The following EYS variants were observed in gnomAD, a reference collection of about 807,000 sequenced individuals.
The protein encoded by EYS is EGF-like photoreceptor maintenance factor.
Under a neutral mutation model 282.1 loss-of-function variants are expected in EYS, and 250 were observed. The ratio of observed to expected loss-of-function variants is 0.89; its 90% CI spans 0.80 to 0.98. EYS has a LOEUF of 0.98. Ranked by LOEUF, EYS falls within the 50% of genes least tolerant of loss-of-function variation. The pLI is 0.00. For synonymous variants in EYS, 1,355 were observed against 1,282.9 expected (o/e 1.06, Z -1.20); for missense variants, 4,016 against 3,709.0 (o/e 1.08, Z -2.15).
intron 33 of EYS, 54 bp downstream of exon 33, chr6:64,066,284 A>C: frequency 6.7e-7 from 1 of 1,487,778 alleles, no homozygotes; most frequent in South Asian, 1.3e-5. Flanking sequence ...TCTCAAAACA[A>C]ACGAACAAAC....
intron 2 of EYS, among the ~76,000 whole-genome samples, chr6:65,545,587 C>T (rs1253429228): frequency 6.6e-6 from 1 of 152,058 alleles, no homozygotes; most frequent in Non-Finnish European, 1.5e-5. Flanking sequence ...AGAATTACAA[C>T]TTGCTGTTTT....
chr6:65,019,566 G>T (rs1412751708), intron 13 of EYS, among the ~76,000 whole-genome samples: 2 of 152,092 alleles, frequency 1.3e-5, no homozygotes, highest in African/African-American at 4.8e-5. Flanking sequence ...CAAAATAAAT[G>T]ACATAAGGTA....
intron 7 of EYS, among the ~76,000 whole-genome samples, chr6:65,399,034 C>T (rs34568300): frequency 0.012 from 1,883 of 152,168 alleles, 20 homozygotes; most frequent in Non-Finnish European, 0.022. Flanking sequence ...TTACCACCAT[C>T]GCGAGTCATC....
chr6:64,918,967 C>T (rs1035307825), intron 15 of EYS, among the ~76,000 whole-genome samples: 4 of 152,026 alleles, frequency 2.6e-5, no homozygotes, highest in East Asian at 1.9e-4. Context: ...TAAATTTGGC[C>T]TTCTCTGCTG....
chr6:63,993,425 C>T (rs2149798020), intron 34 of EYS, among the ~76,000 whole-genome samples: 1 of 151,890 alleles, frequency 6.6e-6, no homozygotes, highest in South Asian at 2.1e-4. Flanking sequence ...TTAATGATAT[C>T]TCTGACATAC....
At chr6:64,730,039 A>T (rs1231759751) in intron 22 of EYS, among the ~76,000 whole-genome samples, 1 of 152,214 alleles carries the variant, frequency 6.6e-6, no homozygotes, top group Non-Finnish European at 1.5e-5. Context: ...AGGAAGGAAA[A>T]ACTAAGAGTG....
At chr6:64,658,315 C>A (rs577718933) in intron 22 of EYS, among the ~76,000 whole-genome samples, 1 of 86,444 alleles carries the variant, frequency 1.2e-5, no homozygotes, top group Non-Finnish European at 2.4e-5. Flanking sequence ...TCCTTTAGCT[C>A]GGAAGTTTGA....
chr6:64,108,800 T>C (rs1773114669), intron 31 of EYS, among the ~76,000 whole-genome samples: 1 of 152,066 alleles, frequency 6.6e-6, no homozygotes, highest in Non-Finnish European at 1.5e-5. Flanking sequence ...GACCCCATCA[T>C]CCCCATAATA....
At chr6:65,008,542 A>T (rs1771763691) in intron 13 of EYS, among the ~76,000 whole-genome samples, 2 of 152,162 alleles carry the variant, frequency 1.3e-5, no homozygotes, top group Admixed American at 6.5e-5. Flanking sequence ...AAAGCTGGGA[A>T]AATTGAATGC....
chr6:64,941,152 G>A (rs916529729), intron 15 of EYS, among the ~76,000 whole-genome samples: 2 of 151,872 alleles, frequency 1.3e-5, no homozygotes, highest in Non-Finnish European at 2.9e-5. Flanking sequence ...AGGCTGAGGC[G>A]GGCAGGTCAC....
intron 26 of EYS, among the ~76,000 whole-genome samples, chr6:64,548,780 T>C (rs1447797657): frequency 6.6e-6 from 1 of 152,092 alleles, no homozygotes; most frequent in Non-Finnish European, 1.5e-5. Flanking sequence ...TATACATATG[T>C]AACAAACCTG....
chr6:64,013,294 A>G (rs1001845848), intron 33 of EYS, among the ~76,000 whole-genome samples: 69 of 152,308 alleles, frequency 4.5e-4, no homozygotes, highest in African/African-American at 1.6e-3. Flanking sequence ...TGGGACTCGC[A>G]GCATATTCTC....
At chr6:64,595,650 C>G (rs919838308) in intron 24 of EYS, among the ~76,000 whole-genome samples, 2 of 151,960 alleles carry the variant, frequency 1.3e-5, no homozygotes, top group African/African-American at 4.8e-5. Flanking sequence ...CAATAATGAA[C>G]TATTTGAAAA....
chr6:65,060,444 T>C (rs1414459942), intron 12 of EYS, among the ~76,000 whole-genome samples: 1 of 151,956 alleles, frequency 6.6e-6, no homozygotes, highest in Admixed American at 6.6e-5. Flanking sequence ...GCAGGAGAAA[T>C]ACAAATTTAG....
intron 14 of EYS, among the ~76,000 whole-genome samples, chr6:64,951,269 T>C (rs1769498169): frequency 6.6e-6 from 1 of 151,866 alleles, no homozygotes; most frequent in Non-Finnish European, 1.5e-5. Flanking sequence ...CTTCTAGCTT[T>C]CAATGAACAC....
At chr6:64,089,226 AAATG>A (rs1454536283) in intron 31 of EYS, among the ~76,000 whole-genome samples, 1 of 151,662 alleles carries the variant, frequency 6.6e-6, no homozygotes, top group African/African-American at 2.4e-5. Context: ...TCTGTGATTT[AAATG>A]AATATCACCA....
chr6:64,996,630 C>A lies in EYS; in HGVS notation c.2259+952G>T, dbSNP rs550748183. ...AATACTTGAAAAGTGGCTAGACAAC[C>A]TCTGGAGTAACTCTGTTTCTGGTCA... is the stretch of plus-strand genomic sequence containing the variant. On this transcript the variant is annotated intron_variant, in intron 14 of 42. Transcript: ENST00000503581. Among the ~76,000 whole-genome samples the A allele has an allele frequency of 7.3e-5, 11 of 151,264 alleles. No individual in the cohort carries two copies. In the East Asian group the frequency reaches 1.6e-3, roughly 22 times the overall value.
At position 65,011,604 on chromosome 6, in the gene EYS, C is replaced by A. The variant is rs188562684; in HGVS notation, c.2138-13901G>T. ...GTTAGGGCAGTCATCGGACAATCTC[C>A]CCAACAGCTCTTGGGATTTCCTGTT... On this transcript the variant is annotated intron_variant, in intron 13 of 42. Transcript: ENST00000503581. Among the ~76,000 whole-genome samples the A allele has an allele frequency of 3.3e-5, 5 of 152,234 alleles. No homozygotes were observed. The East Asian group carries it at 7.8e-4, about 24-fold the overall frequency.
intron 5 of EYS, among the ~76,000 whole-genome samples, chr6:65,443,850 A>G (rs370728): frequency 6.6e-6 from 1 of 151,916 alleles, no homozygotes; most frequent in African/African-American, 2.4e-5. Context: ...TTAATCAAAT[A>G]TAAGTCTAAA....
Sources: allele counts gnomAD v4.1 joint callset (sites outside exome capture counted in the v4.1 genomes callset), GRCh38; gene constraint gnomAD v4.1.1; transcripts MANE v1.5; gene names NCBI Gene and HGNC (gene_info 2026-07-23, HGNC 2026-07-21).